DRC11: variants seen among roughly 807,000 people sequenced by gnomAD.
DRC11 encodes the protein IQ and AAA domain-containing protein 1.
At chr2:236,326,471 TGTTTA>T in the DRC11 span, among the ~76,000 whole-genome samples, 25 of 152,228 alleles carry the variant, frequency 1.6e-4, no homozygotes, top group African/African-American at 5.5e-4. Flanking sequence ...TCTTTGATCA[TGTTTA>T]GTTTAGAGTT....
At chr2:236,333,439 T>C in the DRC11 span, 59,277 of 152,892 alleles carry the variant, frequency 0.39, 12,004 homozygotes, top group African/African-American at 0.49. This position sits in a 1 kb window ranked among gnomAD's most constrained non-coding sequence, Gnocchi z 6.0. Context: ...ACTTGAGATC[T>C]GGTGTGTCTT....
At chr2:236,467,312 G>A in the DRC11 span, among the ~76,000 whole-genome samples, 1 of 152,176 alleles carries the variant, frequency 6.6e-6, no homozygotes, top group South Asian at 2.1e-4. Context: ...GATCTTTCAT[G>A]ACTCTGAGCT....
At chr2:236,317,091 A>G in the DRC11 span, among the ~76,000 whole-genome samples, 1 of 152,028 alleles carries the variant, frequency 6.6e-6, no homozygotes, top group Non-Finnish European at 1.5e-5. This position sits in a 1 kb window ranked among gnomAD's most constrained non-coding sequence, Gnocchi z 5.4. Context: ...AGGTCAGGAG[A>G]TCGAGACCAT....
At chr2:236,407,196 G>A in the DRC11 span, among the ~76,000 whole-genome samples, 2 of 152,246 alleles carry the variant, frequency 1.3e-5, no homozygotes, top group Non-Finnish European at 2.9e-5. Flanking sequence ...AGAGATAGGA[G>A]AGAATCTACA....
chr2:236,488,214 A>G, the DRC11 span: 1 of 1,520,344 alleles, frequency 6.6e-7, no homozygotes, highest in Middle Eastern at 1.7e-4. Context: ...GTCAAGATAA[A>G]CCAATGTTTG....
chr2:236,357,267 ATATACATATAT>A, the DRC11 span, among the ~76,000 whole-genome samples: 267 of 87,414 alleles, frequency 3.1e-3, 4 homozygotes, highest in African/African-American at 0.015. Context: ...TATATTATAA[ATATACATATAT>A]TATATATTTA....
the DRC11 span, among the ~76,000 whole-genome samples, chr2:236,416,763 A>ATATATATATATG: frequency 1.0e-5 from 1 of 98,434 alleles, no homozygotes; most frequent in African/African-American, 3.8e-5. Flanking sequence ...ATATATATAT[A>ATATATATATATG]TATATAAATA....
chr2:236,466,616 G>A, the DRC11 span, among the ~76,000 whole-genome samples: 1 of 152,134 alleles, frequency 6.6e-6, no homozygotes, highest in Non-Finnish European at 1.5e-5. Context: ...CTCACGTGGT[G>A]AAAGGGAGCA....
chr2:236,309,647 A>G, the DRC11 span, among the ~76,000 whole-genome samples: 2 of 152,202 alleles, frequency 1.3e-5, no homozygotes, highest in South Asian at 4.1e-4. The surrounding 1 kb of genome is among the most constrained non-coding windows in gnomAD (Gnocchi z 5.7). Flanking sequence ...CCATCTTTAT[A>G]TTTAGAATAA....
chr2:236,428,002 T>C, the DRC11 span, among the ~76,000 whole-genome samples: 1 of 152,168 alleles, frequency 6.6e-6, no homozygotes, highest in Non-Finnish European at 1.5e-5. Context: ...ATTGGTTGTT[T>C]AGGAGCATGT....
the DRC11 span, among the ~76,000 whole-genome samples, chr2:236,448,317 T>C: frequency 2.0e-5 from 3 of 152,232 alleles, no homozygotes; most frequent in Admixed American, 2.0e-4. The surrounding 1 kb of genome is among the most constrained non-coding windows in gnomAD (Gnocchi z 5.3). Context: ...TCTGATATGA[T>C]GGCATTTGAG....
At chr2:236,465,434 G>A in the DRC11 span, 1 of 1,317,230 alleles carries the variant, frequency 7.6e-7, no homozygotes, top group Non-Finnish European at 1.1e-6. This position sits in a 1 kb window ranked among gnomAD's most constrained non-coding sequence, Gnocchi z 6.2. Flanking sequence ...ATGCTTCTGT[G>A]CTTAAAAACA....
chr2:236,454,925 T>C, the DRC11 span: 30 of 152,358 alleles, frequency 2.0e-4, no homozygotes, highest in African/African-American at 6.3e-4. This position sits in a 1 kb window ranked among gnomAD's most constrained non-coding sequence, Gnocchi z 5.3. Context: ...CGTAAAATAA[T>C]TGGGGCAAGC....
the DRC11 span, among the ~76,000 whole-genome samples, chr2:236,353,682 C>T: frequency 6.6e-6 from 1 of 152,040 alleles, no homozygotes; most frequent in African/African-American, 2.4e-5. The surrounding 1 kb of genome is among the most constrained non-coding windows in gnomAD (Gnocchi z 5.0). Context: ...TACGGAGCAT[C>T]TGAGAGCTCT....
the DRC11 span, among the ~76,000 whole-genome samples, chr2:236,428,254 G>A: frequency 6.6e-6 from 1 of 152,108 alleles, no homozygotes; most frequent in South Asian, 2.1e-4. Flanking sequence ...GGTCCATTTG[G>A]TCTAAAGTGT....
the DRC11 span, among the ~76,000 whole-genome samples, chr2:236,467,726 A>T: frequency 6.6e-6 from 1 of 152,254 alleles, no homozygotes; most frequent in Admixed American, 6.5e-5. Flanking sequence ...TGAAACAAGA[A>T]TATGGCAACA....
At chr2:236,306,908 G>A in the DRC11 span, among the ~76,000 whole-genome samples, 1 of 152,114 alleles carries the variant, frequency 6.6e-6, no homozygotes, top group Non-Finnish European at 1.5e-5. This position sits in a 1 kb window ranked among gnomAD's most constrained non-coding sequence, Gnocchi z 5.9. Flanking sequence ...TTATCACAGA[G>A]GCTAAAAGAG....
the DRC11 span, among the ~76,000 whole-genome samples, chr2:236,342,122 GCATT>G: frequency 6.6e-6 from 1 of 152,210 alleles, no homozygotes; most frequent in Non-Finnish European, 1.5e-5. This position sits in a 1 kb window ranked among gnomAD's most constrained non-coding sequence, Gnocchi z 5.8. Flanking sequence ...GCCGGAGGGT[GCATT>G]CAGTCACTGG....
the DRC11 span, among the ~76,000 whole-genome samples, chr2:236,410,627 A>G: frequency 0.031 from 4,752 of 150,890 alleles, 97 homozygotes; most frequent in Non-Finnish European, 0.046. Context: ...GAGGCATCAC[A>G]CTACCTGACT....
Sources: gnomAD v4.1 joint callset for allele counts (sites outside exome capture counted in the v4.1 genomes callset) on GRCh38, gnomAD v4.1.1 for gene constraint, Gnocchi (gnomAD v3.1) non-coding constraint, MANE v1.5 for transcripts, NCBI Gene and HGNC (gene_info 2026-07-23, HGNC 2026-07-21) for gene names.